Variants in TLE4 observed in about 807,000 individuals in gnomAD.
The protein encoded by TLE4 is TLE family member 4, transcriptional corepressor.
TLE4 carries 8 observed loss-of-function variants against 92.8 expected under a neutral mutation model. The ratio of observed to expected loss-of-function variants is 0.09; its 90% CI spans 0.05 to 0.16. The LOEUF (loss-of-function observed/expected upper bound fraction) is 0.16, where lower values mean the gene tolerates loss of function less well. TLE4 is among the 10% of genes least tolerant of loss of function. The pLI, the probability that TLE4 is intolerant of heterozygous loss-of-function variation, is 1.00. For synonymous variants in TLE4, 371 were observed against 374.1 expected (o/e 0.99, Z 0.10); for missense variants, 675 against 997.6 (o/e 0.68, Z 4.36).
chr9:79,600,391 G>A (rs550324001), intron 4 of TLE4, among the ~76,000 whole-genome samples: 40 of 152,134 alleles, frequency 2.6e-4, no homozygotes, highest in African/African-American at 9.6e-4. Context: ...AGCCTGTCTC[G>A]GGTGGCTTCC....
At chr9:79,609,379 C>G (rs1229359680) in intron 4 of TLE4, among the ~76,000 whole-genome samples, 4 of 151,922 alleles carry the variant, frequency 2.6e-5, no homozygotes, top group Non-Finnish European at 2.9e-5. Flanking sequence ...TTTATCCAAA[C>G]CAAGGTTTTC....
intron 17 of TLE4, 100 bp downstream of exon 17, chr9:79,721,988 A>G: frequency 1.3e-6 from 2 of 1,485,904 alleles, no homozygotes; most frequent in Admixed American, 2.4e-5. Context: ...AACATGGTGA[A>G]ACCCCATCTC....
In TLE4 at chr9:79,667,248, C is replaced by T. The variant is rs575429942; in HGVS notation, c.609+13173C>T. Among the ~76,000 whole-genome samples the T allele has an allele frequency of 3.3e-5, 5 of 152,236 alleles. No individual in the cohort carries two copies. In the South Asian group the frequency reaches 6.2e-4, roughly 19 times the overall value. On this transcript the variant is annotated intron_variant, in intron 8 of 19. Coordinates refer to ENST00000376552, the MANE Select transcript of TLE4 (RefSeq NM_007005.6). ...TACCCAGCTCATGGTGTAGAGGCCA[C>T]GGACAAAGGCTGTGTGTGGGCATGC...
rs57209549 is a variant in TLE4, at chr9:79,668,628, C to T, written c.609+14553C>T. 2.1e-3 allele frequency among the ~76,000 whole-genome samples: 313 copies of T among 152,262 alleles called. 1 individual carries two copies. The highest frequency in any genetic ancestry group is 7.3e-3 in the African/African-American group (304 of 41,544). On this transcript the variant is annotated intron_variant, in intron 8 of 19. Transcript: ENST00000376552. ...AACAGAAATAGTTTCCAGATTCCCC[C>T]TCCTCAACTTAAAACAAAATTTTAA...
In TLE4 at chr9:79,718,887, G is replaced by A. The variant is rs1416844378; in HGVS notation, c.1506G>A (p.Val502=). The A allele has an allele frequency of 6.2e-7, 1 of 1,614,210 alleles. No individual in the cohort carries two copies. The highest frequency in any genetic ancestry group is 1.1e-5 in the South Asian group (1 of 91,082). ...CCATCAGCAACCCCACGAGACACGT[G>A]TACACGGGTGGGAAGGGCTGCGTCA... ...AVTISNPTRH[V]YTGGKGCVKV... Residue 502 remains valine (V), a synonymous_variant, in exon 15 of 20, where the codon GTG becomes GTA. Coordinates refer to ENST00000376552, the MANE Select transcript of TLE4 (RefSeq NM_007005.6).
chr9:79,670,870 G>GTT (rs936881515), intron 8 of TLE4, among the ~76,000 whole-genome samples: 1 of 148,340 alleles, frequency 6.7e-6, no homozygotes, highest in African/African-American at 2.5e-5. Context: ...GTCCTTATTG[G>GTT]TTTTTTTTTT....
Position 79,722,537 on chromosome 9 carries a change from G to A in TLE4, c.2073G>A (p.Lys691=). 1.9e-6 allele frequency: 3 copies of A among 1,614,230 alleles called. No individual in the cohort carries two copies. The highest frequency in any genetic ancestry group is 2.5e-6 in the Non-Finnish European group (3 of 1,180,038). ...ATGTGGAAGTTTTGCATGTCACCAA[G>A]CCAGACAAATACCAACTACATCTTC... ...NSNVEVLHVT[K]PDKYQLHLHE... Residue 691 remains lysine (K), a synonymous_variant, in exon 18 of 20, where the codon AAG becomes AAA. Coordinates refer to ENST00000376552, the MANE Select transcript of TLE4 (RefSeq NM_007005.6).
chr9:79,679,820 C>T (rs2135220332), intron 8 of TLE4, among the ~76,000 whole-genome samples: 1 of 152,224 alleles, frequency 6.6e-6, no homozygotes, highest in East Asian at 1.9e-4. Flanking sequence ...GATCCAGTTT[C>T]AGCTTTCTAC....
At chr9:79,629,910 T>C (rs751827028) in intron 6 of TLE4, among the ~76,000 whole-genome samples, 5 of 152,316 alleles carry the variant, frequency 3.3e-5, no homozygotes, top group Non-Finnish European at 4.4e-5. Flanking sequence ...TCTCTGTCCC[T>C]TGAGCGTAGA....
intron 8 of TLE4, among the ~76,000 whole-genome samples, chr9:79,676,451 C>G (rs541963472): frequency 1.1e-3 from 173 of 152,208 alleles, no homozygotes; most frequent in Non-Finnish European, 1.3e-4. Context: ...ACACTGGAAT[C>G]AAGTTTTCTT....
chr9:79,580,232 C>T (rs907057074), intron 4 of TLE4: 1 of 152,160 alleles, frequency 6.6e-6, no homozygotes, highest in African/African-American at 2.4e-5. Context: ...ACTTCATCTG[C>T]TGGAGAAAAT....
intron 4 of TLE4, among the ~76,000 whole-genome samples, chr9:79,576,980 CATATAT>C (rs751139268): frequency 6.7e-6 from 1 of 150,194 alleles, no homozygotes; most frequent in Non-Finnish European, 1.5e-5. Flanking sequence ...TATATACATA[CATATAT>C]ATATATAAAT....
chr9:79,703,657 C>A (rs1254965628), intron 8 of TLE4, among the ~76,000 whole-genome samples: 2 of 152,328 alleles, frequency 1.3e-5, no homozygotes, highest in African/African-American at 4.8e-5. Flanking sequence ...AGCATACAGG[C>A]TGAGCCTAAG....
intron 6 of TLE4, among the ~76,000 whole-genome samples, chr9:79,628,575 C>G (rs2053297743): frequency 6.7e-6 from 1 of 150,124 alleles, no homozygotes. Flanking sequence ...TTATGTCCCT[C>G]TGACCAAAAA....
chr9:79,655,429 G>A (rs1215903397), intron 8 of TLE4, among the ~76,000 whole-genome samples: 1 of 151,928 alleles, frequency 6.6e-6, no homozygotes. Flanking sequence ...ACTCCTTGTC[G>A]TTTTACAATT....
chr9:79,594,477 C>T (rs1238491832), intron 4 of TLE4, among the ~76,000 whole-genome samples: 2 of 152,096 alleles, frequency 1.3e-5, no homozygotes, highest in Non-Finnish European at 2.9e-5. Context: ...AAGCTCCATC[C>T]AGACTCATGC....
chr9:79,620,894 G>A (rs188339215), intron 5 of TLE4, among the ~76,000 whole-genome samples: 3 of 152,160 alleles, frequency 2.0e-5, no homozygotes, highest in African/African-American at 7.2e-5. Context: ...AGGAGAGAGA[G>A]ATTGAGGGGG....
intron 8 of TLE4, among the ~76,000 whole-genome samples, chr9:79,657,397 T>G (rs114023271): frequency 0.011 from 1,696 of 152,252 alleles, 39 homozygotes; most frequent in African/African-American, 0.038. Flanking sequence ...CCTAGAAAAG[T>G]CGTAAGTGAC....
At chr9:79,581,064 GA>G (rs2039524049) in intron 4 of TLE4, among the ~76,000 whole-genome samples, 1 of 152,168 alleles carries the variant, frequency 6.6e-6, no homozygotes, top group African/African-American at 2.4e-5. Context: ...TTTACACGCT[GA>G]TAATATTCCA....
Sources: gnomAD v4.1 joint callset for allele counts (sites outside exome capture counted in the v4.1 genomes callset) on GRCh38, gnomAD v4.1.1 for gene constraint, MANE v1.5 for transcripts, NCBI Gene and HGNC (gene_info 2026-07-23, HGNC 2026-07-21) for gene names.